DAB1: variants seen among roughly 807,000 people sequenced by gnomAD.
DAB1 encodes disabled homolog 1.
DAB1 carries 15 observed loss-of-function variants against 64.6 expected under a neutral mutation model. The observed-to-expected ratio is 0.23, with a 90% CI of 0.16 to 0.36. The LOEUF (loss-of-function observed/expected upper bound fraction) is 0.36, where lower values mean the gene tolerates loss of function less well. DAB1 is among the 10% of genes least tolerant of loss of function. The pLI, the probability that DAB1 is intolerant of heterozygous loss-of-function variation, is 1.00. For missense variants in DAB1, 596 were observed against 706.7 expected (o/e 0.84, Z 1.78); for synonymous variants, 235 against 251.9 (o/e 0.93, Z 0.64).
chr1:57,096,661 T>C (rs79984378), intron 4 of DAB1, among the ~76,000 whole-genome samples: 1 of 152,136 alleles, frequency 6.6e-6, no homozygotes, highest in Non-Finnish European at 1.5e-5. Context: ...CTCCCCACAG[T>C]CAATCCCTAT....
chr1:57,559,122 C>G (rs1217895387), intron 7 of DAB1, among the ~76,000 whole-genome samples: 2 of 152,174 alleles, frequency 1.3e-5, no homozygotes, highest in Non-Finnish European at 2.9e-5. Flanking sequence ...CTGTAATGGA[C>G]AGCAGAGGCA....
chr1:57,277,793 C>T (rs1271409839), intron 2 of DAB1, among the ~76,000 whole-genome samples: 1 of 152,170 alleles, frequency 6.6e-6, no homozygotes, highest in Non-Finnish European at 1.5e-5. Flanking sequence ...CAGTTTCCAA[C>T]AGTCCCGTAC....
At chr1:58,202,548 T>C (rs1189077844) in intron 4 of DAB1, among the ~76,000 whole-genome samples, 2 of 152,232 alleles carry the variant, frequency 1.3e-5, no homozygotes, top group African/African-American at 4.8e-5. Context: ...CACTGGTTCA[T>C]GGCTTCCCCA....
intron 5 of DAB1, among the ~76,000 whole-genome samples, chr1:58,012,916 A>G (rs1406711934): frequency 6.6e-6 from 1 of 152,210 alleles, no homozygotes; most frequent in Non-Finnish European, 1.5e-5. Flanking sequence ...AAGAGTTTAG[A>G]GATCAGATCT....
intron 5 of DAB1, among the ~76,000 whole-genome samples, chr1:57,915,863 T>G (rs752226269): frequency 1.3e-5 from 2 of 152,162 alleles, no homozygotes; most frequent in Non-Finnish European, 2.9e-5. Context: ...AAGAGCTCTC[T>G]TTGCAGCCAA....
chr1:57,334,034 C>G (rs1466021741), intron 1 of DAB1, among the ~76,000 whole-genome samples: 4 of 152,088 alleles, frequency 2.6e-5, no homozygotes, highest in Admixed American at 6.5e-5. Context: ...AAAGGGAAAC[C>G]AAAATAGACC....
At chr1:57,466,587 A>G (rs1686961235) in intron 7 of DAB1, among the ~76,000 whole-genome samples, 1 of 152,228 alleles carries the variant, frequency 6.6e-6, no homozygotes, top group Non-Finnish European at 1.5e-5. Flanking sequence ...ATTCTCCCAC[A>G]GTTCTGCAAG....
chr1:58,131,295 G>T (rs1162916025), intron 5 of DAB1, among the ~76,000 whole-genome samples: 10 of 140,134 alleles, frequency 7.1e-5, no homozygotes, highest in African/African-American at 2.5e-4. Flanking sequence ...TCGAGCCTTG[G>T]TTTTCAGCTC....
intron 3 of DAB1, among the ~76,000 whole-genome samples, chr1:58,500,312 C>A (rs984094069): frequency 1.3e-5 from 2 of 152,108 alleles, no homozygotes; most frequent in African/African-American, 4.8e-5. Context: ...CTATGTCAGA[C>A]AAAATGAAAT....
chr1:57,864,662 AT>A (rs1455376017), intron 1 of DAB1: 1 of 139,810 alleles, frequency 7.2e-6, no homozygotes, highest in East Asian at 2.1e-4. Context: ...AAATTTATTT[AT>A]TTATTTATTT....
At chr1:58,415,966 G>A (rs772709086) in intron 3 of DAB1, among the ~76,000 whole-genome samples, 1 of 152,202 alleles carries the variant, frequency 6.6e-6, no homozygotes. Context: ...GTCAACACGA[G>A]TGATGTGCTT....
intron 12 of DAB1, among the ~76,000 whole-genome samples, chr1:57,013,399 C>T (rs1646324278): frequency 6.6e-6 from 1 of 152,176 alleles, no homozygotes. Context: ...TAAAAAGATG[C>T]TTGCTTATTT....
chr1:57,066,148 G>A (rs780423976), intron 8 of DAB1, among the ~76,000 whole-genome samples: 1 of 152,092 alleles, frequency 6.6e-6, no homozygotes, highest in African/African-American at 2.4e-5. Context: ...AGGATTGGAT[G>A]GTTAACAGTA....
chr1:58,350,599 G>A (rs57634329), intron 3 of DAB1, among the ~76,000 whole-genome samples: 12,436 of 152,086 alleles, frequency 0.082, 683 homozygotes, highest in South Asian at 0.13. Context: ...TAGGTCTTAC[G>A]TTTAAGTCTT....
At chr1:58,110,553 A>T in intron 5 of DAB1, among the ~76,000 whole-genome samples, 1 of 152,334 alleles carries the variant, frequency 6.6e-6, no homozygotes, top group Non-Finnish European at 1.5e-5. Context: ...TCTCACAAGA[A>T]GAAATTGAGG....
intron 5 of DAB1, chr1:58,150,361 A>C (rs190056017): frequency 2.9e-4 from 44 of 152,334 alleles, no homozygotes; most frequent in African/African-American, 1.0e-3. Flanking sequence ...TTAAATAAGC[A>C]TCTCCTTTGT....
intron 6 of DAB1, among the ~76,000 whole-genome samples, chr1:57,686,642 C>A (rs561073981): frequency 2.0e-4 from 31 of 152,070 alleles, no homozygotes; most frequent in Non-Finnish European, 3.7e-4. Context: ...AACATAGATT[C>A]AAAAATTCTC....
intron 6 of DAB1, among the ~76,000 whole-genome samples, chr1:57,693,429 C>T (rs887451548): frequency 3.9e-5 from 6 of 152,210 alleles, no homozygotes; most frequent in African/African-American, 9.6e-5. Flanking sequence ...TCTGTAAAAA[C>T]GCACCAATCA....
rs569750081 is a variant in DAB1, at chr1:57,200,150, G to A, written c.68-54721C>T. Among the ~76,000 whole-genome samples the A allele has an allele frequency of 9.9e-5, 15 of 152,262 alleles. 1 individual carries two copies. Among genetic ancestry groups the A allele is most frequent in the African/African-American group, 3.6e-4 (15 of 41,558 alleles). ...CCCTCACTGGTCTGAAATTACTGGT[G>A]ACTATACTCCTGTCTCTCCCTTACC... is the stretch of plus-strand genomic sequence containing the variant. On this transcript the variant is annotated intron_variant, in intron 2 of 14. Transcript: ENST00000371236.
Sources: allele counts gnomAD v4.1 joint callset (sites outside exome capture counted in the v4.1 genomes callset), GRCh38; gene constraint gnomAD v4.1.1; transcripts MANE v1.5; gene names NCBI Gene and HGNC (gene_info 2026-07-23, HGNC 2026-07-21).